CER1: variants seen among roughly 807,000 people sequenced by gnomAD.
CER1 encodes cerberus 1, DAN family BMP antagonist.
In CER1, 10 loss-of-function variants were observed where a neutral mutation model predicts 11.8. The ratio of observed to expected loss-of-function variants is 0.85; its 90% confidence interval spans 0.52 to 1.44. The LOEUF (loss-of-function observed/expected upper bound fraction) is 1.44. CER1 is among the 40% of genes most tolerant of loss of function. The pLI is 0.00. For missense variants in CER1, 431 were observed against 327.0 expected, an observed-to-expected ratio of 1.32 and a Z score of -2.45; for synonymous variants, 141 against 122.3, an observed-to-expected ratio of 1.15 and a Z score of -1.01.
At position 14,720,035 on chromosome 9, in the gene CER1, T is replaced by C; in HGVS notation, c.*55A>G. Reference sequence around the variant, plus strand: ...CACTTAACATTTTCAGACTGAATAATCAGCATCTTTGCTGTTGTGGTTTTG... The same window carrying C: ...CACTTAACATTTTCAGACTGAATAACCAGCATCTTTGCTGTTGTGGTTTTG... On this transcript the variant is annotated 3_prime_UTR_variant, in exon 2 of 2. Coordinates refer to ENST00000380911, the MANE Select transcript of CER1 (RefSeq NM_005454.3). 1.3e-6 allele frequency: 2 copies of C among 1,535,810 alleles called. No homozygotes were observed. The highest frequency in any genetic ancestry group is 1.8e-6 in the Non-Finnish European group (2 of 1,113,800).
chr9:14,717,738 T>C (rs1218487150), downstream of CER1, among the ~76,000 whole-genome samples: 2 of 152,190 alleles, frequency 1.3e-5, no homozygotes, highest in African/African-American at 2.4e-5. Flanking sequence ...TTGAAGCCTA[T>C]AGGCAAGAGA....
chr9:14,717,386 G>A (rs1014432237), downstream of CER1, among the ~76,000 whole-genome samples: 4 of 152,004 alleles, frequency 2.6e-5, no homozygotes, highest in Non-Finnish European at 4.4e-5. Context: ...TATTATTTGC[G>A]CTTTTCCGTG....
chr9:14,720,568 T>C (rs7022304), intron 1 of CER1, among the ~76,000 whole-genome samples, 182 bp from the exon 2 acceptor site: 59,859 of 152,050 alleles, frequency 0.39, 15,895 homozygotes, highest in African/African-American at 0.76. Flanking sequence ...CTCAATTAAA[T>C]TTTCTTTATT....
chr9:14,722,097 C>G (rs908285392), intron 1 of CER1, 69 bp downstream of exon 1: 241 of 1,518,710 alleles, frequency 1.6e-4, no homozygotes, highest in Middle Eastern at 1.2e-3. Context: ...TTTTCCCCTA[C>G]TCTCCATCCA....
Position 14,720,297 on chromosome 9 carries a change from C to G in CER1, c.597G>C (p.Ala199=), listed in dbSNP as rs527955982. 2.5e-6 allele frequency: 4 copies of G among 1,613,950 alleles called. No homozygotes were observed. The Admixed American group carries it at 6.7e-5, about 27-fold the overall frequency. The stretch of plus-strand genomic sequence containing the variant: ...GAGAGCAGGAGGTATGGGAGTGCTG[C>G]GCGGCTCCAGGAAAATGAACAGACC... ...KCGSVHFPGA[A]QHSHTSCSHC... Residue 199 remains alanine, a synonymous_variant, in exon 2 of 2, where the codon GCG becomes GCC. Coordinates refer to ENST00000380911, the MANE Select transcript of CER1 (RefSeq NM_005454.3).
chr9:14,720,285 A>G lies in CER1; in HGVS notation c.609T>C (p.His203=). The part of the protein sequence containing the change: ...VHFPGAAQHS[H]TSCSHCLPAK... ...CAGGCAAACAGTGAGAGCAGGAGGT[A>G]TGGGAGTGCTGCGCGGCTCCAGGAA... is the stretch of plus-strand genomic sequence containing the variant. The change falls in exon 2 of 2, where the codon CAT becomes CAC. Residue 203 remains histidine, a synonymous_variant. Coordinates refer to ENST00000380911, the MANE Select transcript of CER1 (RefSeq NM_005454.3). The G allele has an allele frequency of 6.2e-7, 1 of 1,614,140 alleles. No individual in the cohort carries two copies. The highest frequency in any genetic ancestry group is 8.5e-7 in the Non-Finnish European group (1 of 1,180,030).
intron 1 of CER1, among the ~76,000 whole-genome samples, chr9:14,721,628 C>T (rs536398566): frequency 7.8e-4 from 118 of 152,146 alleles, no homozygotes; most frequent in Middle Eastern, 3.4e-3. Flanking sequence ...TAAAGAAGTC[C>T]CTCATAAACC....
In CER1 at chr9:14,722,633, G is replaced by C. The variant is rs758920260; in HGVS notation, c.40C>G (p.Leu14Val). Residue 14 changes from leucine (L) to valine (V), a missense_variant, in exon 1 of 2, where the codon CTA becomes GTA. Transcript: ENST00000380911. The part of the protein sequence containing the change: ...LLFQLLVLLP[L>V]GKTTRHQDGR... ...TCCTGGTGCCGTGTGGTCTTTCCTA[G>C]AGGCAGGAGTACCAGCAGCTGAAAT... The C allele has an allele frequency of 6.2e-7, 1 of 1,604,978 alleles. No homozygotes were observed. Among genetic ancestry groups the C allele is most frequent in the Non-Finnish European group, 8.5e-7 (1 of 1,179,888 alleles).
In CER1 at chr9:14,722,480, C is replaced by G; in HGVS notation, c.193G>C (p.Ala65Pro). 6.2e-7 allele frequency: 1 copy of G among 1,614,164 alleles called. No individual in the cohort carries two copies. ...DLFVAVPHLV[A>P]TSPAGEGQRQ... ...TGGCCTTCCCCTGCAGGGCTGGTGG[C>G]TACAAGGTGTGGCACTGCGACAAAC... The change falls in exon 1 of 2, where the codon GCC becomes CCC. Residue 65 changes from alanine to proline, a missense_variant. By Grantham distance (27) the Ala-to-Pro change is conservative. Coordinates refer to ENST00000380911, the MANE Select transcript of CER1 (RefSeq NM_005454.3).
chr9:14,718,758 G>A (rs1206172279), downstream of CER1, among the ~76,000 whole-genome samples: 19 of 152,114 alleles, frequency 1.2e-4, no homozygotes. Context: ...AGGCAGTTCT[G>A]TACCATATAT....
At chr9:14,718,693 T>A (rs1461893867), downstream of CER1, among the ~76,000 whole-genome samples, 3 of 152,192 alleles carry the variant, frequency 2.0e-5, no homozygotes, top group African/African-American at 7.2e-5. Flanking sequence ...ATTAAAATAA[T>A]TTTTAGGAAC....
intron 1 of CER1, among the ~76,000 whole-genome samples, chr9:14,720,817 C>A (rs1313541341): frequency 1.3e-5 from 2 of 152,164 alleles, no homozygotes; most frequent in Non-Finnish European, 2.9e-5. Flanking sequence ...TAGATCAGAA[C>A]ATTCTAGGTT....
intron 1 of CER1, 106 bp from the exon 2 acceptor site, chr9:14,720,492 A>C (rs957384179): frequency 8.4e-7 from 1 of 1,184,956 alleles, no homozygotes; most frequent in South Asian, 1.6e-5. Context: ...AAAATTTCAA[A>C]GCTTTCCAAT....
At chr9:14,718,487 C>T (rs561544424), downstream of CER1, among the ~76,000 whole-genome samples, 1 of 152,270 alleles carries the variant, frequency 6.6e-6, no homozygotes, top group East Asian at 1.9e-4. Context: ...ATGTGTGCAT[C>T]TGTGTAACTC....
In CER1 at chr9:14,720,382, A is replaced by G; in HGVS notation, c.512T>C (p.Ile171Thr). 1 of 1,607,720 alleles carries G rather than the reference A, an allele frequency of 6.2e-7. No individual in the cohort carries two copies. The highest frequency in any genetic ancestry group is 1.3e-5 in the African/African-American group (1 of 74,930). The change falls in exon 2 of 2, where the codon ATA (isoleucine) becomes ACA (threonine). Residue 171 changes from isoleucine (I) to threonine (T), a missense_variant. Coordinates refer to ENST00000380911, the MANE Select transcript of CER1 (RefSeq NM_005454.3). ...TCRTVPFSQT[I>T]THEGCEKVVV... ...TACTTTTTCACAGCCTTCGTGGGTT[A>G]TAGTCTAAAAAGCAAACACATTTCC...
At chr9:14,718,148 T>C (rs1200506431), downstream of CER1, among the ~76,000 whole-genome samples, 2 of 152,194 alleles carry the variant, frequency 1.3e-5, no homozygotes, top group Admixed American at 6.5e-5. Flanking sequence ...ATCTAGAATT[T>C]ACATGCAAGG....
chr9:14,722,502 A>G lies in CER1; in HGVS notation c.171T>C (p.Phe57=). ...TGGCTACAAGGTGTGGCACTGCGAC[A>G]AACAGATCTGGCTTCTCCTCAGCTT... ...HEEAEEKPDL[F]VAVPHLVATS... Residue 57 remains phenylalanine, a synonymous_variant, in exon 1 of 2, where the codon TTT becomes TTC. Transcript: ENST00000380911. 6.2e-7 allele frequency: 1 copy of G among 1,614,190 alleles called. No homozygotes were observed. The highest frequency in any genetic ancestry group is 8.5e-7 in the Non-Finnish European group (1 of 1,180,030).
At chr9:14,720,562 A>T (rs1352292293) in intron 1 of CER1, among the ~76,000 whole-genome samples, 176 bp from the exon 2 acceptor site, 7 of 152,230 alleles carry the variant, frequency 4.6e-5, no homozygotes, top group African/African-American at 1.4e-4. Flanking sequence ...AACCACCTCA[A>T]TTAAATTTTC....
chr9:14,722,249 T>A lies in CER1; in HGVS notation c.424A>T (p.Thr142Ser). 3 of 1,613,402 alleles carry A rather than the reference T, an allele frequency of 1.9e-6. No homozygotes were observed. The highest frequency in any genetic ancestry group is 1.7e-4 in the Middle Eastern group (1 of 6,058). The change falls in exon 1 of 2, where the codon ACT (threonine) becomes TCT (serine). Residue 142 changes from threonine (T) to serine (S), a missense_variant. Thr to Ser is a moderately conservative substitution (Grantham distance 58, BLOSUM62 1). Transcript: ENST00000380911. ...KFWHHFMFRK[T>S]PASQGVILPI... ...AAGATGACCCCCTGAGAAGCCGGAG[T>A]TTTTCTGAACATGAAGTGGTGCCAG...
Sources: allele counts gnomAD v4.1 joint callset (sites outside exome capture counted in the v4.1 genomes callset), GRCh38; gene constraint gnomAD v4.1.1; transcripts MANE v1.5; gene names NCBI Gene and HGNC (gene_info 2026-07-23, HGNC 2026-07-21).